PTBP3: variants seen among roughly 807,000 people sequenced by gnomAD.
PTBP3 encodes polypyrimidine tract binding protein 3.
Under a neutral mutation model 58.7 loss-of-function variants are expected in PTBP3, and 20 were observed. The ratio of observed to expected loss-of-function variants is 0.34; its 90% CI spans 0.24 to 0.50. The LOEUF is 0.50. Ranked by LOEUF, PTBP3 falls within the 20% of genes least tolerant of loss-of-function variation. PTBP3 has a pLI of 0.98. For synonymous variants in PTBP3, 185 were observed against 219.8 expected, an observed-to-expected ratio of 0.84 and a Z score of 1.40; for missense variants, 509 against 637.2, an observed-to-expected ratio of 0.80 and a Z score of 2.17.
rs552394473 is a variant in PTBP3, at chr9:112,327,780, T to C, written c.-52+5690A>G. Among the ~76,000 whole-genome samples, 13 of 143,794 alleles carry C rather than the reference T, an allele frequency of 9.0e-5. No homozygotes were observed. The South Asian group carries it at 2.9e-3, about 32-fold the overall frequency. 94.3% of individuals were successfully genotyped at this position (143,794 alleles called of 152,430 possible). ...AAATGAAATGATTTCTTTCTCACCA[T>C]AGTATATGACTAATAGAGGAAAAAA... is the stretch of plus-strand genomic sequence containing the variant. On this transcript the variant is annotated intron_variant, in intron 1 of 13. Transcript: ENST00000374257.
rs746989944 is a variant in PTBP3, at chr9:112,297,912, C to A, written c.-47G>T. The A allele has an allele frequency of 3.7e-6, 6 of 1,611,376 alleles. No homozygotes were observed. Among genetic ancestry groups the A allele is most frequent in the Non-Finnish European group, 5.1e-6 (6 of 1,178,906 alleles). On this transcript the variant is annotated 5_prime_UTR_variant, in exon 2 of 14. Transcript: ENST00000374257. ...GCCAGAAGAAAGAAGCTCATCAGAT[C>A]CCCGCTGAAAAGCAAAACCAATGTT...
the PTBP3 span, among the ~76,000 whole-genome samples, chr9:112,356,113 G>A: frequency 6.6e-6 from 1 of 150,410 alleles, no homozygotes; most frequent in African/African-American, 2.5e-5. Flanking sequence ...AAGTAGCTGG[G>A]ATTACAGGCG....
At chr9:112,376,492 T>G in the PTBP3 span, among the ~76,000 whole-genome samples, 1 of 151,898 alleles carries the variant, frequency 6.6e-6, no homozygotes, top group African/African-American at 2.4e-5. Context: ...GACCTTGTGA[T>G]CCGCCTGCCT....
Position 112,218,967 on chromosome 9 carries a change from T to C in PTBP3, c.*4884A>G, listed in dbSNP as rs1469551796. The C allele has an allele frequency of 1.3e-5, 2 of 152,334 alleles. No homozygotes were observed. The highest frequency in any genetic ancestry group is 2.1e-4 in the South Asian group (1 of 4,830). 9.4% of individuals were successfully genotyped at this position (152,334 alleles called of 1,614,324 possible). A position where few individuals can be genotyped will look rare whatever the true frequency, so the allele number is the denominator to read the frequency against. On this transcript the variant is annotated 3_prime_UTR_variant, in exon 14 of 14. Coordinates refer to ENST00000374257, the MANE Select transcript of PTBP3 (RefSeq NM_001163788.4). ...GCTCCTAGCTGTGCTATTTTTTTTT[T>C]CTTAGATACAGTACTGAAAATGCCC...
intron 4 of PTBP3, among the ~76,000 whole-genome samples, chr9:112,267,485 T>C (rs1827146121): frequency 6.6e-6 from 1 of 152,210 alleles, no homozygotes; most frequent in Non-Finnish European, 1.5e-5. Context: ...GTATAAAGAT[T>C]TTCTGTCCTT....
chr9:112,268,118 T>C lies in PTBP3; in HGVS notation c.282A>G (p.Arg94=). 6.2e-7 allele frequency: 1 copy of C among 1,613,986 alleles called. No individual in the cohort carries two copies. Among genetic ancestry groups the C allele is most frequent in the Non-Finnish European group, 8.5e-7 (1 of 1,179,906 alleles). ...AATACTGAATATAAACAGGCTGGCT[T>C]CGAAGGTGAGGAGTAATAGGAGTGT... ...NYYTPITPHL[R]SQPVYIQYSN... is the part of the protein sequence containing the mutation. The change falls in exon 4 of 14, where the codon CGA becomes CGG. Residue 94 remains arginine, a synonymous_variant. Transcript: ENST00000374257.
At chr9:112,343,956 A>G in the PTBP3 span, among the ~76,000 whole-genome samples, 588 of 151,962 alleles carry the variant, frequency 3.9e-3, 8 homozygotes, top group African/African-American at 0.014. Context: ...TTGACTATAC[A>G]TTCTTTACTT....
At chr9:112,335,239 G>A (rs907653229), upstream of PTBP3, among the ~76,000 whole-genome samples, 1 of 151,928 alleles carries the variant, frequency 6.6e-6, no homozygotes, top group Non-Finnish European at 1.5e-5. Context: ...ACAATTCTGC[G>A]TGCATCCTTC....
chr9:112,365,522 T>C, the PTBP3 span, among the ~76,000 whole-genome samples: 1 of 152,234 alleles, frequency 6.6e-6, no homozygotes, highest in Non-Finnish European at 1.5e-5. Flanking sequence ...CCCAGCCATG[T>C]GGAACTGTAA....
At chr9:112,258,973 G>C (rs1328824311) in intron 5 of PTBP3, among the ~76,000 whole-genome samples, 1 of 152,086 alleles carries the variant, frequency 6.6e-6, no homozygotes, top group African/African-American at 2.4e-5. Context: ...GGATGGGGAG[G>C]CAGGGTTTCA....
At chr9:112,277,786 G>A (rs946894394) in intron 2 of PTBP3, among the ~76,000 whole-genome samples, 3 of 152,034 alleles carry the variant, frequency 2.0e-5, no homozygotes, top group East Asian at 1.9e-4. Flanking sequence ...TGAGGCAAGA[G>A]AGTCACTTGA....
chr9:112,372,148 C>T, the PTBP3 span, among the ~76,000 whole-genome samples: 1 of 152,074 alleles, frequency 6.6e-6, no homozygotes. Flanking sequence ...TCATAACTTA[C>T]TTCAGCCCCC....
intron 7 of PTBP3, among the ~76,000 whole-genome samples, chr9:112,238,206 T>C (rs1835509180): frequency 6.6e-6 from 1 of 152,132 alleles, no homozygotes; most frequent in South Asian, 2.1e-4. Flanking sequence ...TTAAATAGTA[T>C]GTTTGAAAAA....
the PTBP3 span, among the ~76,000 whole-genome samples, chr9:112,377,491 G>C: frequency 6.6e-6 from 1 of 152,180 alleles, no homozygotes; most frequent in Non-Finnish European, 1.5e-5. Flanking sequence ...AAGCACCTTA[G>C]TTCCCATTGT....
In PTBP3 at chr9:112,222,678, A is replaced by C. The variant is rs1354710259; in HGVS notation, c.*1173T>G. The C allele has an allele frequency of 2.0e-5, 20 of 984,534 alleles. No individual in the cohort carries two copies. Among genetic ancestry groups the C allele is most frequent in the Non-Finnish European group, 2.3e-5 (19 of 828,834 alleles). 61.0% of individuals were successfully genotyped at this position (984,534 alleles called of 1,614,324 possible). ...AACCACTTAAAATTGCAATGAAAAA[A>C]ATTTTAAATCCTTACCAAAACAGAG... On this transcript the variant is annotated 3_prime_UTR_variant, in exon 14 of 14. Coordinates refer to ENST00000374257, the MANE Select transcript of PTBP3 (RefSeq NM_001163788.4).
the PTBP3 span, among the ~76,000 whole-genome samples, chr9:112,376,635 C>T: frequency 7.9e-5 from 12 of 152,028 alleles, no homozygotes; most frequent in East Asian, 1.9e-4. Flanking sequence ...GTCCAAGTCC[C>T]GAAACTGAAC....
intron 12 of PTBP3, among the ~76,000 whole-genome samples, chr9:112,224,471 T>C (rs921035883): frequency 3.9e-5 from 6 of 152,260 alleles, no homozygotes; most frequent in African/African-American, 1.4e-4. Flanking sequence ...TCTTTTTTCT[T>C]TTAATGCAGC....
At chr9:112,294,643 C>T (rs1828589205) in intron 2 of PTBP3, among the ~76,000 whole-genome samples, 1 of 152,168 alleles carries the variant, frequency 6.6e-6, no homozygotes, top group Non-Finnish European at 1.5e-5. Context: ...TTATTCAACT[C>T]ATTTATGGAG....
At chr9:112,266,164 T>C (rs1196089247) in intron 4 of PTBP3, among the ~76,000 whole-genome samples, 2 of 152,116 alleles carry the variant, frequency 1.3e-5, no homozygotes, top group East Asian at 1.9e-4. Context: ...TGATGGGAAA[T>C]GGCATCTAGA....
Sources: gnomAD v4.1 joint callset for allele counts (sites outside exome capture counted in the v4.1 genomes callset) on GRCh38, gnomAD v4.1.1 for gene constraint, MANE v1.5 for transcripts, NCBI Gene and HGNC (gene_info 2026-07-23, HGNC 2026-07-21) for gene names.